The following TENM2 variants were observed in gnomAD, a reference collection of about 807,000 sequenced individuals.
TENM2 encodes teneurin transmembrane protein 2, also known as teneurin-2.
Under a neutral mutation model 245.2 loss-of-function variants are expected in TENM2, and 52 were observed. The observed-to-expected ratio is 0.21, with a 90% CI of 0.17 to 0.27. TENM2 has a LOEUF of 0.27. TENM2 is among the 10% of genes least tolerant of loss of function. The probability of loss-of-function intolerance (pLI) is 1.00; values close to 1 mark genes in which losing one functional copy is unlikely to be tolerated. For missense variants in TENM2, 3,046 were observed against 3,666.8 expected, an observed-to-expected ratio of 0.83 and a Z score of 4.37; for synonymous variants, 1,363 against 1,438.9, an observed-to-expected ratio of 0.95 and a Z score of 1.19.
At chr5:167,015,290 A>G in the TENM2 span, among the ~76,000 whole-genome samples, 16 of 152,190 alleles carry the variant, frequency 1.1e-4, no homozygotes, top group African/African-American at 2.4e-5. Context: ...TATAGGGAAC[A>G]TAGTAATATT....
chr5:167,568,646 G>GGGGTGT (rs1774062512), intron 2 of TENM2, among the ~76,000 whole-genome samples: 6 of 142,520 alleles, frequency 4.2e-5, no homozygotes, highest in Non-Finnish European at 3.1e-5. Context: ...CAGAGACCAT[G>GGGGTGT]GTGTGTGTGT....
rs564439067 is a variant in TENM2 at position 167,530,037 on chromosome 5, A to G, written c.502+154564A>G. On this transcript the variant is annotated intron_variant, in intron 2 of 28. Coordinates refer to ENST00000518659, the Ensembl canonical transcript of TENM2. ...TGAGAAAAGTCCTTTGTACTAAGCA[A>G]TATAGAATGTATCCCAAAGCAGTGC... Among the ~76,000 whole-genome samples the G allele has an allele frequency of 1.4e-4, 22 of 152,330 alleles. No individual in the cohort carries two copies. The East Asian group carries it at 3.3e-3, about 23-fold the overall frequency.
chr5:167,416,598 A>G (rs1763179863), intron 2 of TENM2, among the ~76,000 whole-genome samples: 1 of 152,192 alleles, frequency 6.6e-6, no homozygotes, highest in Non-Finnish European at 1.5e-5. Flanking sequence ...CATTAGGGCA[A>G]ATTTATTGCA....
chr5:167,493,858 A>C (rs2127546337), intron 2 of TENM2, among the ~76,000 whole-genome samples: 1 of 152,240 alleles, frequency 6.6e-6, no homozygotes. Context: ...AATGGCAAAC[A>C]AACACATAAA....
chr5:167,774,015 T>G (rs1012769599), intron 2 of TENM2, among the ~76,000 whole-genome samples: 1 of 152,012 alleles, frequency 6.6e-6, no homozygotes, highest in African/African-American at 2.4e-5. Context: ...ACAAATTAAC[T>G]AATATAAGGG....
chr5:167,216,034 G>A, the TENM2 span, among the ~76,000 whole-genome samples: 5 of 152,188 alleles, frequency 3.3e-5, no homozygotes, highest in South Asian at 4.2e-4. Flanking sequence ...ACCTCAAAAG[G>A]CAAGCTTGTA....
At chr5:167,506,447 A>G (rs1769556745) in intron 2 of TENM2, among the ~76,000 whole-genome samples, 1 of 152,206 alleles carries the variant, frequency 6.6e-6, no homozygotes, top group Non-Finnish European at 1.5e-5. Flanking sequence ...CCAGGAAAAA[A>G]AGAAATCAGA....
chr5:167,976,242 C>A (rs888002839), intron 4 of TENM2, among the ~76,000 whole-genome samples: 1 of 151,908 alleles, frequency 6.6e-6, no homozygotes, highest in African/African-American at 2.4e-5. Flanking sequence ...TCACTTCTTT[C>A]TGGGCCTTAG....
chr5:168,072,606 G>A (rs565610581), intron 7 of TENM2, among the ~76,000 whole-genome samples: 1 of 152,256 alleles, frequency 6.6e-6, no homozygotes, highest in Admixed American at 6.5e-5. Context: ...CCAGAGTGGA[G>A]GATAAGAGCT....
At chr5:168,027,288 G>A (rs888969849) in intron 5 of TENM2, among the ~76,000 whole-genome samples, 2 of 152,166 alleles carry the variant, frequency 1.3e-5, no homozygotes, top group Non-Finnish European at 2.9e-5. Flanking sequence ...TCTGTTCTAA[G>A]TGCACAGGGC....
At chr5:168,156,929 T>A (rs1017328068) in intron 12 of TENM2, among the ~76,000 whole-genome samples, 1 of 152,156 alleles carries the variant, frequency 6.6e-6, no homozygotes, top group Non-Finnish European at 1.5e-5. Context: ...AGCCGTTCGG[T>A]TCACAGTAGG....
At chr5:167,845,185 G>C (rs116104950) in intron 2 of TENM2, among the ~76,000 whole-genome samples, 1,568 of 149,944 alleles carry the variant, frequency 0.01, 34 homozygotes, top group African/African-American at 0.036. Context: ...TGTTTTACAA[G>C]TAGAAGCCCT....
At chr5:167,973,702 G>GAGAGA (rs1420751087) in intron 4 of TENM2, among the ~76,000 whole-genome samples, 4 of 152,084 alleles carry the variant, frequency 2.6e-5, no homozygotes, top group Non-Finnish European at 5.9e-5. Context: ...AGGCAAAGGT[G>GAGAGA]AGAGAATAGG....
At chr5:167,936,181 C>T (rs543153599) in intron 3 of TENM2, among the ~76,000 whole-genome samples, 2 of 152,234 alleles carry the variant, frequency 1.3e-5, no homozygotes, top group East Asian at 3.9e-4. Context: ...AACTAATAAT[C>T]TTATTGTGAT....
At chr5:168,086,634 T>G (rs1451987652) in intron 7 of TENM2, among the ~76,000 whole-genome samples, 1 of 152,318 alleles carries the variant, frequency 6.6e-6, no homozygotes, top group East Asian at 1.9e-4. Context: ...GATTTGGTCA[T>G]GTGCCTCCTA....
At chr5:167,952,255 G>C in intron 3 of TENM2, 2 of 396,284 alleles carry the variant, frequency 5.0e-6, no homozygotes, top group Non-Finnish European at 9.2e-6. Flanking sequence ...GACTTGCTAC[G>C]CCAGCGATCA....
intron 9 of TENM2, among the ~76,000 whole-genome samples, chr5:168,103,584 C>T (rs541897213): frequency 2.0e-5 from 3 of 152,112 alleles, no homozygotes; most frequent in Middle Eastern, 3.4e-3. Flanking sequence ...TGATATTTTC[C>T]GGTGATTGGA....
At chr5:166,996,791 G>A in the TENM2 span, among the ~76,000 whole-genome samples, 5 of 152,198 alleles carry the variant, frequency 3.3e-5, no homozygotes, top group Non-Finnish European at 7.3e-5. Flanking sequence ...CAGAGGAATA[G>A]ACTGAATTTT....
intron 2 of TENM2, among the ~76,000 whole-genome samples, chr5:167,640,619 CA>C (rs777939339): frequency 0.011 from 815 of 76,226 alleles, 4 homozygotes; most frequent in Middle Eastern, 0.05. Flanking sequence ...AACTCCATCT[CA>C]AAAAAAAAAA....
Sources: gnomAD v4.1 joint callset for allele counts (sites outside exome capture counted in the v4.1 genomes callset) on GRCh38, gnomAD v4.1.1 for gene constraint, MANE v1.5 for transcripts, NCBI Gene and HGNC (gene_info 2026-07-23, HGNC 2026-07-21) for gene names.